The following STK32A variants were observed in gnomAD, a reference collection of about 807,000 sequenced individuals.
STK32A encodes the protein serine/threonine kinase 32A, also known as serine/threonine-protein kinase 32A.
A neutral mutation model predicts 53.2 loss-of-function variants in STK32A; 41 were observed. That is an observed-to-expected ratio of 0.77 (90% confidence interval 0.60 to 1.00). The LOEUF (loss-of-function observed/expected upper bound fraction) is 1.00, where lower values mean the gene tolerates loss of function less well. STK32A is among the 50% of genes least tolerant of loss of function. The probability of loss-of-function intolerance (pLI) is 0.00; values close to 1 mark genes in which losing one functional copy is unlikely to be tolerated. For missense variants in STK32A, 458 were observed against 485.8 expected, an observed-to-expected ratio of 0.94 and a Z score of 0.54; for synonymous variants, 166 against 162.8, an observed-to-expected ratio of 1.02 and a Z score of -0.15.
chr5:147,312,923 CAAG>C (rs1753774342), intron 4 of STK32A, among the ~76,000 whole-genome samples: 1 of 152,042 alleles, frequency 6.6e-6, no homozygotes, highest in Non-Finnish European at 1.5e-5. Context: ...GCCCAGAATA[CAAG>C]AAGGCAACCA....
At chr5:147,297,490 G>A (rs949263147) in intron 4 of STK32A, among the ~76,000 whole-genome samples, 1 of 152,156 alleles carries the variant, frequency 6.6e-6, no homozygotes, top group Admixed American at 6.5e-5. Flanking sequence ...CCACAGAGTG[G>A]AGTGCTTTTT....
At chr5:147,343,765 A>G (rs1473467549) in intron 6 of STK32A, among the ~76,000 whole-genome samples, 1 of 152,238 alleles carries the variant, frequency 6.6e-6, no homozygotes, top group Non-Finnish European at 1.5e-5. Context: ...GTACCAATGT[A>G]TCTCAGAAAA....
chr5:147,356,025 C>G (rs1355904445), intron 7 of STK32A, among the ~76,000 whole-genome samples: 1 of 151,892 alleles, frequency 6.6e-6, no homozygotes, highest in Non-Finnish European at 1.5e-5. Flanking sequence ...TTGTTCCAAG[C>G]ACTTTGCTAA....
the STK32A span, chr5:147,395,809 T>A: frequency 6.7e-7 from 1 of 1,481,820 alleles, no homozygotes; most frequent in South Asian, 1.2e-5. Context: ...GTGAATACAG[T>A]GTGTGGTGGG....
At chr5:147,260,066 TCTCTCCTGTCTCTCG>T (rs1472269767) in intron 2 of STK32A, among the ~76,000 whole-genome samples, 10 of 134,294 alleles carry the variant, frequency 7.4e-5, no homozygotes, top group Non-Finnish European at 1.4e-4. Context: ...CTCTCTCCCC[TCTCTCCTGTCTCTCG>T]CTCTCCTCTG....
At chr5:147,373,122 TCC>T in intron 9 of STK32A, 45 bp from the exon 10 acceptor site, 1 of 1,597,220 alleles carries the variant, frequency 6.3e-7, no homozygotes, top group Admixed American at 1.8e-5. Flanking sequence ...TTTTTTTTTG[TCC>T]TTCTATCCTT....
At chr5:147,295,082 G>A (rs1394188918) in intron 4 of STK32A, among the ~76,000 whole-genome samples, 1 of 152,146 alleles carries the variant, frequency 6.6e-6, no homozygotes, top group Admixed American at 6.5e-5. Context: ...GCTGTTTTAT[G>A]CCAGTATTTA....
rs1250436904 is a variant in STK32A at position 147,368,855 on chromosome 5, A to G, written c.661-1799A>G. The stretch of plus-strand genomic sequence containing the variant: ...ATCAGTTAATTCATTTGTTTATAAA[A>G]TCATTTTATTTTCTAGGTGGCCCAG... On this transcript the variant is annotated intron_variant, in intron 8 of 12. Coordinates refer to ENST00000397936, the MANE Select transcript of STK32A (RefSeq NM_001112724.2). 2.0e-5 allele frequency among the ~76,000 whole-genome samples: 3 copies of G among 152,178 alleles called. No individual in the cohort carries two copies. The East Asian group carries it at 5.8e-4, about 29-fold the overall frequency.
intron 4 of STK32A, among the ~76,000 whole-genome samples, chr5:147,320,556 T>C (rs1411515949): frequency 1.3e-5 from 2 of 152,214 alleles, no homozygotes; most frequent in Non-Finnish European, 2.9e-5. Flanking sequence ...TCCTGAGATA[T>C]ACTGGGAATG....
intron 5 of STK32A, among the ~76,000 whole-genome samples, chr5:147,336,671 C>T (rs1263809669): frequency 1.3e-5 from 2 of 152,164 alleles, no homozygotes; most frequent in Non-Finnish European, 2.9e-5. Flanking sequence ...GATACCTAGT[C>T]TTTAATCATC....
At chr5:147,278,746 T>A (rs1751892267) in intron 3 of STK32A, among the ~76,000 whole-genome samples, 1 of 152,250 alleles carries the variant, frequency 6.6e-6, no homozygotes, top group Admixed American at 6.5e-5. Flanking sequence ...CATTTTCTGT[T>A]TACTTTTTCA....
At chr5:147,365,794 A>G (rs1043080751) in intron 8 of STK32A, among the ~76,000 whole-genome samples, 1 of 152,100 alleles carries the variant, frequency 6.6e-6, no homozygotes, top group South Asian at 2.1e-4. Context: ...ACAAACGACT[A>G]TCTGTTATTC....
At chr5:147,401,879 G>C in the STK32A span, 1 of 555,466 alleles carries the variant, frequency 1.8e-6, no homozygotes, top group South Asian at 3.4e-5. Flanking sequence ...ATGTGACCAA[G>C]TTTGTATTCT....
chr5:147,249,446 A>G (rs963281539), intron 2 of STK32A, among the ~76,000 whole-genome samples: 1 of 152,184 alleles, frequency 6.6e-6, no homozygotes, highest in African/African-American at 2.4e-5. Context: ...TACTTGGCAA[A>G]TAAAAGAACA....
the STK32A span, chr5:147,399,056 T>A: frequency 6.2e-7 from 1 of 1,610,846 alleles, no homozygotes; most frequent in Non-Finnish European, 8.5e-7. Context: ...TCCATTCTAC[T>A]CCACTCCCAC....
intron 2 of STK32A, among the ~76,000 whole-genome samples, chr5:147,270,620 T>A (rs2151951144): frequency 6.6e-6 from 1 of 152,242 alleles, no homozygotes; most frequent in Middle Eastern, 3.4e-3. Context: ...TGCTTACATA[T>A]CAAAAAATCT....
intron 5 of STK32A, among the ~76,000 whole-genome samples, chr5:147,333,012 T>C (rs979680107): frequency 6.6e-6 from 1 of 152,216 alleles, no homozygotes. Context: ...ATAAGGTTAA[T>C]GGCTTCGTTA....
intron 11 of STK32A, among the ~76,000 whole-genome samples, chr5:147,379,726 T>C (rs1419989782): frequency 6.6e-6 from 1 of 152,178 alleles, no homozygotes; most frequent in Non-Finnish European, 1.5e-5. Flanking sequence ...TAAGTCCTCT[T>C]GTTCTCCTTC....
At chr5:147,262,164 G>A (rs1397693151) in intron 2 of STK32A, among the ~76,000 whole-genome samples, 1 of 152,092 alleles carries the variant, frequency 6.6e-6, no homozygotes. Flanking sequence ...GAGAAAACCT[G>A]TCCTGGTTCA....
Sources: gnomAD v4.1 joint callset for allele counts (sites outside exome capture counted in the v4.1 genomes callset) on GRCh38, gnomAD v4.1.1 for gene constraint, MANE v1.5 for transcripts, NCBI Gene and HGNC (gene_info 2026-07-23, HGNC 2026-07-21) for gene names.